Variants in TAB2 observed in about 807,000 individuals in gnomAD.
TAB2 encodes the protein TGF-beta activated kinase 1 (MAP3K7) binding protein 2.
In TAB2, 3 loss-of-function variants were observed where a neutral mutation model predicts 65.0. The ratio of observed to expected loss-of-function variants is 0.05; its 90% CI spans 0.02 to 0.12. The LOEUF (loss-of-function observed/expected upper bound fraction) is 0.12. Ranked by LOEUF, TAB2 falls within the 10% of genes least tolerant of loss-of-function variation. The pLI is 1.00. For missense variants in TAB2, 623 were observed against 840.3 expected (o/e 0.74, Z 3.20); for synonymous variants, 298 against 285.1 (o/e 1.05, Z -0.46).
intron 1 of TAB2, among the ~76,000 whole-genome samples, chr6:149,369,253 A>G (rs1051638274): frequency 1.3e-5 from 2 of 152,194 alleles, no homozygotes; most frequent in Non-Finnish European, 2.9e-5. Flanking sequence ...AACTTCGACC[A>G]CACATTAGAA....
At chr6:149,384,438 A>G (rs1781719467) in intron 3 of TAB2, among the ~76,000 whole-genome samples, 1 of 152,222 alleles carries the variant, frequency 6.6e-6, no homozygotes, top group Non-Finnish European at 1.5e-5. Context: ...TAAGTCTGTC[A>G]GCACCACCAT....
rs949394247 is a variant in TAB2, at chr6:149,325,013, A to G, written c.-90+6998A>G. ...AGGATCTCCCTTTGTTGCCCAGGCT[A>G]GGAAAATACTGCTTTTGGTTTTTAG... On this transcript the variant is annotated intron_variant, in intron 1 of 6. Transcript: ENST00000637181. Among the ~76,000 whole-genome samples, 4 of 152,044 alleles carry G rather than the reference A, an allele frequency of 2.6e-5. No homozygotes were observed. In the South Asian group the frequency reaches 6.2e-4, roughly 24 times the overall value.
intron 6 of TAB2, among the ~76,000 whole-genome samples, chr6:149,403,203 C>A (rs1782498148): frequency 6.9e-6 from 1 of 144,504 alleles, no homozygotes; most frequent in South Asian, 2.2e-4. Flanking sequence ...CATTGCACTC[C>A]AGCCTGGGCA....
At chr6:149,334,789 A>G (rs1161983514) in intron 1 of TAB2, among the ~76,000 whole-genome samples, 1 of 152,204 alleles carries the variant, frequency 6.6e-6, no homozygotes, top group Non-Finnish European at 1.5e-5. Flanking sequence ...GTGGTGGAAA[A>G]GAGAAATTTT....
At chr6:149,341,332 A>C (rs1370849708) in intron 1 of TAB2, among the ~76,000 whole-genome samples, 1 of 152,120 alleles carries the variant, frequency 6.6e-6, no homozygotes, top group Non-Finnish European at 1.5e-5. Flanking sequence ...TTAGAATGTG[A>C]TTATAGTTGA....
chr6:149,235,561 G>A (rs1354698312), intron 1 of TAB2, among the ~76,000 whole-genome samples: 2 of 152,188 alleles, frequency 1.3e-5, no homozygotes, highest in African/African-American at 4.8e-5. Flanking sequence ...AAGATACATT[G>A]GTTGGAAGAA....
In TAB2 at chr6:149,379,247, C is replaced by T. The variant is rs746756704; in HGVS notation, c.1332C>T (p.Gly444=). ...HHHPPKSRAI[G]NNSATSPRVV... ...ATCCTCCCAAAAGTCGAGCAATAGG[C>T]AATAACTCTGCAACCTCTCCTCGAG... Residue 444 remains glycine (G), a synonymous_variant, in exon 3 of 7, where the codon GGC becomes GGT. Coordinates refer to ENST00000637181, the MANE Select transcript of TAB2 (RefSeq NM_001292034.3). The T allele has an allele frequency of 6.2e-7, 1 of 1,614,182 alleles. No homozygotes were observed. Among genetic ancestry groups the T allele is most frequent in the Non-Finnish European group, 8.5e-7 (1 of 1,180,034 alleles).
intron 1 of TAB2, among the ~76,000 whole-genome samples, chr6:149,241,331 T>C (rs1379267569): frequency 1.3e-5 from 2 of 152,236 alleles, no homozygotes; most frequent in Admixed American, 1.3e-4. Context: ...CTCCATTTTT[T>C]TGTTGTTTTC....
chr6:149,357,430 A>AAAAAAAACACACAC, intron 1 of TAB2, among the ~76,000 whole-genome samples: 25 of 111,182 alleles, frequency 2.2e-4, no homozygotes, highest in African/African-American at 7.9e-4. Context: ...AGAAAAAAAA[A>AAAAAAAACACACAC]ACACACACAC....
intron 1 of TAB2, chr6:149,246,849 C>G (rs1777730299): frequency 6.6e-6 from 1 of 152,264 alleles, no homozygotes; most frequent in African/African-American, 2.4e-5. Context: ...TTTTGATTTC[C>G]TCTCTGCAAT....
rs534880322 is a variant in TAB2 at position 149,293,665 on chromosome 6, A to G, written c.-121+74889A>G. 5.6e-4 allele frequency among the ~76,000 whole-genome samples: 86 copies of G among 152,368 alleles called. 1 individual carries two copies. The South Asian group carries it at 0.017, about 30-fold the overall frequency. ...CTTTTCAGATAGTTAATAAATTAGC[A>G]TTCATGTTAACTCTTCAAAAAATGT... On this transcript the variant is annotated intron_variant, in intron 1 of 1. Coordinates refer to the TAB2 transcript ENST00000606202.
At chr6:149,330,461 T>A (rs1779748930) in intron 1 of TAB2, among the ~76,000 whole-genome samples, 1 of 152,168 alleles carries the variant, frequency 6.6e-6, no homozygotes, top group South Asian at 2.1e-4. Flanking sequence ...AGCATTAGTA[T>A]TGTCAGTATT....
chr6:149,313,567 C>A (rs374951930), upstream of TAB2, among the ~76,000 whole-genome samples: 2 of 152,184 alleles, frequency 1.3e-5, no homozygotes, highest in East Asian at 3.8e-4. Context: ...GAGCTCCAGT[C>A]CCATGTTTTC....
intron 1 of TAB2, among the ~76,000 whole-genome samples, chr6:149,343,011 T>A (rs1780177453): frequency 1.3e-5 from 2 of 152,210 alleles, no homozygotes; most frequent in South Asian, 4.1e-4. Flanking sequence ...TTTGCCTGAA[T>A]ATTTCTAATT....
intron 1 of TAB2, among the ~76,000 whole-genome samples, chr6:149,361,606 C>T (rs1379725789): frequency 6.6e-6 from 1 of 152,162 alleles, no homozygotes; most frequent in Admixed American, 6.5e-5. Flanking sequence ...CACTTGGCTC[C>T]TTTTTAGTTG....
At chr6:149,249,066 T>G (rs1480282453) in intron 1 of TAB2, among the ~76,000 whole-genome samples, 1 of 151,814 alleles carries the variant, frequency 6.6e-6, no homozygotes, top group African/African-American at 2.4e-5. Flanking sequence ...GCTCATCTAG[T>G]TTCAAAGTTT....
intron 1 of TAB2, among the ~76,000 whole-genome samples, chr6:149,328,695 A>AT (rs1779690210): frequency 6.6e-6 from 1 of 152,202 alleles, no homozygotes; most frequent in South Asian, 2.1e-4. Flanking sequence ...GATATGTAAG[A>AT]TACAGTTCTT....
At chr6:149,309,895 T>TGG (rs1320988442) in intron 1 of TAB2, among the ~76,000 whole-genome samples, 1 of 151,812 alleles carries the variant, frequency 6.6e-6, no homozygotes, top group African/African-American at 2.4e-5. Flanking sequence ...TGTGTGTGTG[T>TGG]GTGTGTGATT....
intron 1 of TAB2, among the ~76,000 whole-genome samples, chr6:149,231,641 G>A (rs1187235485): frequency 6.6e-6 from 1 of 152,144 alleles, no homozygotes; most frequent in African/African-American, 2.4e-5. Context: ...AATTTCTCTT[G>A]AAAGAAGAAA....
Sources: gnomAD v4.1 joint callset for allele counts (sites outside exome capture counted in the v4.1 genomes callset) on GRCh38, gnomAD v4.1.1 for gene constraint, MANE v1.5 for transcripts, NCBI Gene and HGNC (gene_info 2026-07-23, HGNC 2026-07-21) for gene names.